SCTR: variants seen among roughly 807,000 people sequenced by gnomAD.
SCTR encodes the protein secretin receptor.
Under a neutral mutation model 60.8 loss-of-function variants are expected in SCTR, and 56 were observed. That is an observed-to-expected ratio of 0.92 (90% CI 0.74 to 1.15). The LOEUF (loss-of-function observed/expected upper bound fraction) is 1.15, where lower values mean the gene tolerates loss of function less well. Ranked by LOEUF, SCTR falls within the 50% of genes most tolerant of loss-of-function variation. The pLI is 0.00. For missense variants in SCTR, 562 were observed against 550.4 expected (o/e 1.02, Z -0.21); for synonymous variants, 202 against 217.0 (o/e 0.93, Z 0.61).
At chr2:119,469,489 C>CT (rs889903353) in intron 4 of SCTR, among the ~76,000 whole-genome samples, 34 of 151,144 alleles carry the variant, frequency 2.2e-4, no homozygotes, top group South Asian at 1.5e-3. Context: ...CGGTCCTTAG[C>CT]TTTTTTTTTG....
rs1202727382 is a variant in SCTR at position 119,461,938 on chromosome 2, C to G, written c.699G>C (p.Leu233=). 6.2e-7 allele frequency: 1 copy of G among 1,613,866 alleles called. No individual in the cohort carries two copies. The highest frequency in any genetic ancestry group is 8.5e-7 in the Non-Finnish European group (1 of 1,179,948). Residue 233 remains leucine, a synonymous_variant, in exon 7 of 13, where the codon CTG becomes CTC. Coordinates refer to ENST00000019103, the MANE Select transcript of SCTR (RefSeq NM_002980.3). ...TGTGAAGGTAGAGGCCTTCCACCAG[C>G]AGCCAGGAGTAGTTGGCCATGATGC... ...QYCIMANYSW[L]LVEGLYLHTL... is the part of the protein sequence containing the mutation.
intron 10 of SCTR, among the ~76,000 whole-genome samples, chr2:119,447,648 T>C (rs1034014913): frequency 6.6e-6 from 1 of 152,230 alleles, no homozygotes; most frequent in African/African-American, 2.4e-5. Context: ...CGCGGCTCAC[T>C]GCAACCTCTG....
intron 1 of SCTR, among the ~76,000 whole-genome samples, chr2:119,514,457 C>T (rs955015026): frequency 1.3e-5 from 2 of 152,146 alleles, no homozygotes; most frequent in East Asian, 3.8e-4. Flanking sequence ...GAAAGAATAA[C>T]AAAGAAGACA....
intron 11 of SCTR, among the ~76,000 whole-genome samples, chr2:119,443,843 G>A (rs769274594): frequency 5.8e-4 from 88 of 152,140 alleles, no homozygotes; most frequent in African/African-American, 1.9e-3. Flanking sequence ...CCCCGCGCCC[G>A]GCCATAAATA....
intron 1 of SCTR, among the ~76,000 whole-genome samples, chr2:119,506,617 G>T (rs1678748056): frequency 6.6e-6 from 1 of 151,918 alleles, no homozygotes; most frequent in Admixed American, 6.6e-5. Flanking sequence ...CACAGGTAGG[G>T]CTACGCATGC....
At chr2:119,465,722 T>G (rs1683803150) in intron 5 of SCTR, 67 bp downstream of exon 5, 6 of 1,092,630 alleles carry the variant, frequency 5.5e-6, no homozygotes, top group Non-Finnish European at 8.5e-6. Flanking sequence ...CCTGGGTGGT[T>G]GAGAAGAGAC....
At chr2:119,462,236 C>G (rs2104800371) in intron 6 of SCTR, among the ~76,000 whole-genome samples, 1 of 152,296 alleles carries the variant, frequency 6.6e-6, no homozygotes, top group East Asian at 1.9e-4. Context: ...AATGAGCCAT[C>G]ATAGGAGCAG....
chr2:119,512,245 A>T (rs1426651280), intron 1 of SCTR, among the ~76,000 whole-genome samples: 2 of 151,548 alleles, frequency 1.3e-5, no homozygotes, highest in African/African-American at 2.4e-5. Flanking sequence ...CTGATTCTCC[A>T]ATCTTTTCAT....
intron 11 of SCTR, among the ~76,000 whole-genome samples, chr2:119,444,216 A>G (rs192853832): frequency 4.9e-5 from 7 of 141,616 alleles, no homozygotes; most frequent in African/African-American, 1.9e-4. Context: ...TATACATATG[A>G]ATATATACAC....
At chr2:119,501,235 C>T (rs1456193835) in intron 1 of SCTR, among the ~76,000 whole-genome samples, 1 of 151,988 alleles carries the variant, frequency 6.6e-6, no homozygotes, top group African/African-American at 2.4e-5. Context: ...ACGGTGAAAC[C>T]CTGTCTCTAC....
intron 2 of SCTR, among the ~76,000 whole-genome samples, chr2:119,492,737 C>T (rs1328569930): frequency 6.6e-6 from 1 of 152,188 alleles, no homozygotes; most frequent in African/African-American, 2.4e-5. Flanking sequence ...TCAGCCTTGG[C>T]AAGCACTAAT....
At chr2:119,513,009 T>C (rs1278782240) in intron 1 of SCTR, among the ~76,000 whole-genome samples, 1 of 152,200 alleles carries the variant, frequency 6.6e-6, no homozygotes, top group Non-Finnish European at 1.5e-5. Flanking sequence ...AGTAACATAG[T>C]CCTTGGAAAC....
chr2:119,520,701 G>A lies in SCTR; in HGVS notation c.72+3454C>T, dbSNP rs574764204. On this transcript the variant is annotated intron_variant, in intron 1 of 12. Transcript: ENST00000019103. ...GATGGAGATAGGAGGGAAAAAGATG[G>A]GAAGGGAGGGTGGAATAGATCAAGG... Among the ~76,000 whole-genome samples the A allele has an allele frequency of 3.9e-5, 6 of 152,272 alleles. 1 individual carries two copies. The South Asian group carries it at 1.2e-3, about 32-fold the overall frequency.
chr2:119,440,436 G>A (rs1384143069), intron 12 of SCTR, among the ~76,000 whole-genome samples, 179 bp from the exon 13 acceptor site: 1 of 152,202 alleles, frequency 6.6e-6, no homozygotes, highest in African/African-American at 2.4e-5. Flanking sequence ...GCTACTGAGG[G>A]TCCCCTCTCT....
intron 1 of SCTR, among the ~76,000 whole-genome samples, chr2:119,523,706 A>T (rs1460617180): frequency 6.6e-6 from 1 of 152,044 alleles, no homozygotes; most frequent in African/African-American, 2.4e-5. Flanking sequence ...TGCAGCAAGA[A>T]TTTTTATTCC....
intron 1 of SCTR, among the ~76,000 whole-genome samples, chr2:119,521,178 AT>A (rs1679275931): frequency 1.3e-5 from 2 of 152,342 alleles, no homozygotes; most frequent in South Asian, 4.1e-4. Context: ...AGGTTAACAA[AT>A]TGGCAGTTTG....
chr2:119,458,993 C>G (rs1218436500), intron 7 of SCTR, among the ~76,000 whole-genome samples: 1 of 152,210 alleles, frequency 6.6e-6, no homozygotes, highest in African/African-American at 2.4e-5. Context: ...CAGACTCACA[C>G]CTCAGCCGCT....
At chr2:119,495,879 T>C (rs781624062) in intron 1 of SCTR, among the ~76,000 whole-genome samples, 3 of 152,326 alleles carry the variant, frequency 2.0e-5, no homozygotes, top group Non-Finnish European at 2.9e-5. Context: ...TCTAGGATCA[T>C]AGAATGCTCA....
chr2:119,460,062 C>T (rs994225618), intron 7 of SCTR, among the ~76,000 whole-genome samples: 1 of 151,312 alleles, frequency 6.6e-6, no homozygotes, highest in Non-Finnish European at 1.5e-5. Flanking sequence ...GACTGGGCTG[C>T]CAAGGTTCAG....
Sources: allele counts gnomAD v4.1 joint callset (sites outside exome capture counted in the v4.1 genomes callset), GRCh38; gene constraint gnomAD v4.1.1; transcripts MANE v1.5; gene names NCBI Gene and HGNC (gene_info 2026-07-23, HGNC 2026-07-21).